RAPGEF4: variants seen among roughly 807,000 people sequenced by gnomAD.
RAPGEF4 encodes the protein Rap guanine nucleotide exchange factor 4.
In RAPGEF4, 66 loss-of-function variants were observed where a neutral mutation model predicts 147.9. The ratio of observed to expected loss-of-function variants is 0.45; its 90% CI spans 0.37 to 0.55. RAPGEF4 has a LOEUF of 0.55. Ranked by LOEUF, RAPGEF4 falls within the 20% of genes least tolerant of loss-of-function variation. RAPGEF4 has a pLI of 0.00. For missense variants in RAPGEF4, 1,071 were observed against 1,257.3 expected, an observed-to-expected ratio of 0.85 and a Z score of 2.24; for synonymous variants, 419 against 442.7, an observed-to-expected ratio of 0.95 and a Z score of 0.67.
intron 6 of RAPGEF4, chr2:172,928,124 T>C (rs1365598172): frequency 2.2e-6 from 1 of 445,812 alleles, no homozygotes; most frequent in Non-Finnish European, 4.5e-6. Context: ...AGCCAGGACT[T>C]ATTTTGCCCC....
At chr2:172,819,923 G>A (rs1262609534) in intron 4 of RAPGEF4, among the ~76,000 whole-genome samples, 1 of 152,144 alleles carries the variant, frequency 6.6e-6, no homozygotes, top group Non-Finnish European at 1.5e-5. Context: ...AAGATTATGG[G>A]TATTTTATGA....
At chr2:172,845,475 A>G (rs1692076382) in intron 4 of RAPGEF4, among the ~76,000 whole-genome samples, 1 of 152,154 alleles carries the variant, frequency 6.6e-6, no homozygotes, top group Admixed American at 6.5e-5. Flanking sequence ...ATGTTTGCCA[A>G]CCAAGGGGAA....
chr2:173,000,209 C>G (rs1693763993), intron 16 of RAPGEF4, among the ~76,000 whole-genome samples: 1 of 152,154 alleles, frequency 6.6e-6, no homozygotes, highest in Non-Finnish European at 1.5e-5. Context: ...GTTGTGACAG[C>G]TTGGTATTAC....
chr2:172,902,423 C>T (rs1207856381), intron 4 of RAPGEF4, among the ~76,000 whole-genome samples: 1 of 152,118 alleles, frequency 6.6e-6, no homozygotes, highest in Non-Finnish European at 1.5e-5. Context: ...CCACCTCAGC[C>T]TCCTGAGTAG....
rs1217589649 is a variant in RAPGEF4, at chr2:173,027,220, G to T, written c.2519G>T (p.Arg840Leu). 6.2e-7 allele frequency: 1 copy of T among 1,603,506 alleles called. No individual in the cohort carries two copies. Among genetic ancestry groups the T allele is most frequent in the Non-Finnish European group, 8.5e-7 (1 of 1,177,386 alleles). The change falls in exon 25 of 31, where the codon CGT becomes CTT. Residue 840 changes from arginine (R) to leucine (L), a missense_variant. Physicochemically the swap from Arg to Leu is moderately radical, Grantham distance 102. Coordinates refer to ENST00000397081, the MANE Select transcript of RAPGEF4 (RefSeq NM_007023.4). ...TGCCTTTGTTCTCAGCTCAGCAAGC[G>T]TGTTCAGCTATTAAAAAAATTTATT... ...EICLCSQLSK[R>L]VQLLKKFIKI...
At chr2:172,991,996 A>G (rs905439324) in intron 15 of RAPGEF4, among the ~76,000 whole-genome samples, 2 of 152,210 alleles carry the variant, frequency 1.3e-5, no homozygotes, top group African/African-American at 4.8e-5. Context: ...CAGAGCCACA[A>G]GTTACTTGCC....
intron 4 of RAPGEF4, among the ~76,000 whole-genome samples, chr2:172,845,125 C>A (rs1692035691): frequency 6.6e-6 from 1 of 152,126 alleles, no homozygotes; most frequent in Non-Finnish European, 1.5e-5. Flanking sequence ...ACTGTAGTGA[C>A]CTAGGGCATT....
chr2:172,812,009 A>G (rs2194719), intron 3 of RAPGEF4, among the ~76,000 whole-genome samples: 6 of 152,192 alleles, frequency 3.9e-5, no homozygotes, highest in Admixed American at 1.3e-4. Flanking sequence ...AATTATCCCA[A>G]TGCCCAACCA....
intron 6 of RAPGEF4, among the ~76,000 whole-genome samples, chr2:172,932,388 A>C: frequency 6.6e-6 from 1 of 152,228 alleles, no homozygotes; most frequent in East Asian, 1.9e-4. Flanking sequence ...AAGTTAAACA[A>C]ATTTTCTCAA....
At chr2:172,747,455 C>CTTTTAA (rs1187200489) in intron 1 of RAPGEF4, among the ~76,000 whole-genome samples, 2 of 152,056 alleles carry the variant, frequency 1.3e-5, no homozygotes, top group Non-Finnish European at 1.5e-5. Context: ...ACGTATTCAT[C>CTTTTAA]TTTTAATTTT....
At chr2:172,885,759 T>C (rs1263444828) in intron 4 of RAPGEF4, among the ~76,000 whole-genome samples, 1 of 152,164 alleles carries the variant, frequency 6.6e-6, no homozygotes, top group African/African-American at 2.4e-5. Context: ...GGGAGAACAA[T>C]TCAAGATGAG....
chr2:172,977,816 ACCTGGCAGT>A (rs1183373466), intron 10 of RAPGEF4, among the ~76,000 whole-genome samples: 1 of 152,174 alleles, frequency 6.6e-6, no homozygotes, highest in East Asian at 1.9e-4. Flanking sequence ...GTCTCTTCAC[ACCTGGCAGT>A]CCTGACTTCT....
chr2:172,973,572 G>A (rs1435028313), intron 10 of RAPGEF4, among the ~76,000 whole-genome samples: 1 of 152,230 alleles, frequency 6.6e-6, no homozygotes, highest in Non-Finnish European at 1.5e-5. Flanking sequence ...GGAGTGACCG[G>A]ACAGGAGCAC....
chr2:173,014,726 G>GT, intron 18 of RAPGEF4, 112 bp downstream of exon 18: 2 of 1,008,794 alleles, frequency 2.0e-6, no homozygotes, highest in Non-Finnish European at 2.7e-6. Context: ...GCTAGACTTT[G>GT]TGAACACATT....
intron 29 of RAPGEF4, among the ~76,000 whole-genome samples, chr2:173,047,220 A>G (rs886290564): frequency 6.6e-6 from 1 of 152,212 alleles, no homozygotes; most frequent in African/African-American, 2.4e-5. Context: ...AATGGAGCGT[A>G]GGTCTCATCA....
intron 1 of RAPGEF4, among the ~76,000 whole-genome samples, chr2:172,757,578 G>A (rs1200993638): frequency 1.3e-5 from 2 of 151,990 alleles, no homozygotes; most frequent in Non-Finnish European, 2.9e-5. Flanking sequence ...TTTGGATTTC[G>A]AATCCAGGTA....
At chr2:173,036,576 A>G in intron 28 of RAPGEF4, 52 bp from the exon 29 acceptor site, 3 of 1,369,016 alleles carry the variant, frequency 2.2e-6, no homozygotes, top group Non-Finnish European at 3.1e-6. Flanking sequence ...GTGCTTTCTT[A>G]GTATGACATA....
chr2:172,987,110 C>T (rs1692343441), intron 12 of RAPGEF4, among the ~76,000 whole-genome samples: 1 of 152,152 alleles, frequency 6.6e-6, no homozygotes, highest in Middle Eastern at 3.4e-3. Context: ...TCCAGGAGTT[C>T]GAGATCAGCC....
chr2:172,736,430 G>T (rs1693777966), intron 1 of RAPGEF4, among the ~76,000 whole-genome samples: 1 of 152,176 alleles, frequency 6.6e-6, no homozygotes. Flanking sequence ...TGCGGGGTAT[G>T]AAGTTTTAAA....
Sources: allele counts gnomAD v4.1 joint callset (sites outside exome capture counted in the v4.1 genomes callset), GRCh38; gene constraint gnomAD v4.1.1; transcripts MANE v1.5; gene names NCBI Gene and HGNC (gene_info 2026-07-23, HGNC 2026-07-21).